SLCO2B1: variants seen among roughly 807,000 people sequenced by gnomAD.
SLCO2B1 encodes the protein OATP-RP2.
A neutral mutation model predicts 67.3 loss-of-function variants in SLCO2B1; 41 were observed. That is an observed-to-expected ratio of 0.61 (90% CI 0.47 to 0.79). SLCO2B1 has a LOEUF of 0.79. Among genes scored for constraint, SLCO2B1 ranks in the 30% least tolerant of loss-of-function variants. The pLI, the probability that SLCO2B1 is intolerant of heterozygous loss-of-function variation, is 0.00. For synonymous variants in SLCO2B1, 379 were observed against 381.4 expected, an observed-to-expected ratio of 0.99 and a Z score of 0.07; for missense variants, 837 against 920.1, an observed-to-expected ratio of 0.91 and a Z score of 1.17.
rs1430175266 is a variant in SLCO2B1, at chr11:75,181,356, G to A, written c.973-6780G>A. Among the ~76,000 whole-genome samples, 6 of 132,972 alleles carry A rather than the reference G, an allele frequency of 4.5e-5. 1 individual carries two copies. In the South Asian group the frequency reaches 1.5e-3, roughly 33 times the overall value. The allele number at this position is 132,972 out of a possible 152,430, so 87.2% of individuals were successfully genotyped here. On this transcript the variant is annotated intron_variant, in intron 7 of 13. Coordinates refer to ENST00000289575, the MANE Select transcript of SLCO2B1 (RefSeq NM_007256.5). ...TTGCACCACTCCAGCCTGAGTGACAGAGGAAGACTCTGCCTCAAAAAAAAA... is the reference window on the plus strand; with the variant it reads ...TTGCACCACTCCAGCCTGAGTGACAAAGGAAGACTCTGCCTCAAAAAAAAA...
intron 1 of SLCO2B1, among the ~76,000 whole-genome samples, chr11:75,154,614 C>T (rs555688883): frequency 1.3e-5 from 2 of 152,368 alleles, no homozygotes; most frequent in Admixed American, 1.3e-4. Context: ...CTTGAGCCCT[C>T]CACTGGTAAC....
chr11:75,180,089 C>G (rs1014501422), intron 7 of SLCO2B1, among the ~76,000 whole-genome samples: 1 of 152,202 alleles, frequency 6.6e-6, no homozygotes, highest in Non-Finnish European at 1.5e-5. Flanking sequence ...GCAATCTTGG[C>G]TCACTGCAAC....
intron 7 of SLCO2B1, among the ~76,000 whole-genome samples, chr11:75,178,102 A>C (rs916590399): frequency 4.0e-5 from 6 of 150,870 alleles, no homozygotes; most frequent in Admixed American, 6.6e-5. Flanking sequence ...TCAAAAAAAA[A>C]AAAAAAACAA....
chr11:75,192,462 A>G (rs1003088937), intron 8 of SLCO2B1, among the ~76,000 whole-genome samples: 3 of 152,158 alleles, frequency 2.0e-5, no homozygotes, highest in African/African-American at 7.2e-5. Flanking sequence ...AGGTCAGGGC[A>G]GAGGATTGGG....
intron 7 of SLCO2B1, among the ~76,000 whole-genome samples, chr11:75,177,983 A>G (rs962897708): frequency 6.6e-6 from 1 of 150,698 alleles, no homozygotes; most frequent in Non-Finnish European, 1.5e-5. Context: ...AGCCCCAGCT[A>G]TTTGGGAGGC....
chr11:75,163,461 G>A (rs534842844), intron 2 of SLCO2B1, among the ~76,000 whole-genome samples: 1 of 152,064 alleles, frequency 6.6e-6, no homozygotes, highest in Admixed American at 6.5e-5. Flanking sequence ...ACTAGTGGGG[G>A]TGGGATGGAG....
At chr11:75,151,490 T>C in intron 1 of SLCO2B1, 93 bp downstream of exon 1, 2 of 1,353,656 alleles carry the variant, frequency 1.5e-6, no homozygotes, top group South Asian at 2.4e-5. Flanking sequence ...CCAGAGTGGG[T>C]GGGATGGGTG....
At chr11:75,161,930 A>G (rs1949826060) in intron 1 of SLCO2B1, among the ~76,000 whole-genome samples, 1 of 152,124 alleles carries the variant, frequency 6.6e-6, no homozygotes, top group Non-Finnish European at 1.5e-5. Context: ...GCCAACATGC[A>G]TAAGGGAGGC....
At chr11:75,155,389 G>A (rs1002536372) in intron 1 of SLCO2B1, among the ~76,000 whole-genome samples, 3 of 151,932 alleles carry the variant, frequency 2.0e-5, no homozygotes, top group South Asian at 2.1e-4. Flanking sequence ...GCACACCACC[G>A]CAGTCCCCAC....
chr11:75,195,103 G>T (rs1293208617), intron 9 of SLCO2B1, among the ~76,000 whole-genome samples: 1 of 152,196 alleles, frequency 6.6e-6, no homozygotes, highest in Non-Finnish European at 1.5e-5. Context: ...TTTCACAGAT[G>T]AATACAGCAA....
At chr11:75,188,677 G>C (rs1944974552) in intron 8 of SLCO2B1, among the ~76,000 whole-genome samples, 1 of 152,152 alleles carries the variant, frequency 6.6e-6, no homozygotes, top group Admixed American at 6.5e-5. Context: ...AGTGAGCCAA[G>C]ATCACACCAC....
At chr11:75,154,067 A>G (rs562555067) in intron 1 of SLCO2B1, among the ~76,000 whole-genome samples, 4 of 151,588 alleles carry the variant, frequency 2.6e-5, no homozygotes, top group African/African-American at 9.7e-5. Context: ...CTGGGACTAC[A>G]GGCACTCACC....
rs1259196891 is a variant in SLCO2B1, at chr11:75,163,176, TGTGCCAG to T, written c.147+398_147+404del. ...CTGGAGCCCACTGGGTGCCAGGCGC[TGTGCCAG>T]GTGCCACTCACACGTGATCTTATTT... On this transcript the variant is annotated intron_variant, in intron 2 of 13. Coordinates refer to ENST00000289575, the MANE Select transcript of SLCO2B1 (RefSeq NM_007256.5). Among the ~76,000 whole-genome samples, 5 of 152,308 alleles carry T rather than the reference TGTGCCAG, an allele frequency of 3.3e-5. No homozygotes were observed. The East Asian group carries it at 9.6e-4, about 29-fold the overall frequency.
chr11:75,159,952 C>T, intron 1 of SLCO2B1: 1 of 745,016 alleles, frequency 1.3e-6, no homozygotes. Context: ...GGGGCTGGAA[C>T]TGGGGCTAGA....
At position 75,179,139 on chromosome 11, in the gene SLCO2B1, T is replaced by G. The variant is rs1950062961; in HGVS notation, c.972+6570T>G. On this transcript the variant is annotated intron_variant, in intron 7 of 13. Coordinates refer to ENST00000289575, the MANE Select transcript of SLCO2B1 (RefSeq NM_007256.5). ...ATTCTTTTATTTGAAAATTTGTGTT[T>G]TTTCATTTTCTTTTTAAAAATGTTT... 2.0e-5 allele frequency among the ~76,000 whole-genome samples: 3 copies of G among 152,066 alleles called. No homozygotes were observed. In the South Asian group the frequency reaches 6.2e-4, roughly 31 times the overall value.
intron 6 of SLCO2B1, 142 bp downstream of exon 6, chr11:75,169,906 G>A (rs986429527): frequency 6.3e-6 from 4 of 638,828 alleles, no homozygotes; most frequent in East Asian, 2.7e-5. Flanking sequence ...CTGAACCTCA[G>A]CTTTCTCATC....
Position 75,200,278 on chromosome 11 carries a change from T to A in SLCO2B1, c.1654T>A (p.Ser552Thr). 6.2e-7 allele frequency: 1 copy of A among 1,613,974 alleles called. No individual in the cohort carries two copies. The highest frequency in any genetic ancestry group is 8.5e-7 in the Non-Finnish European group (1 of 1,179,954). Reference sequence around the variant, plus strand: ...GGAGGGCAACCCCGTGCTGGCAGGATCCTGCGACTCAACGTGCAGCCATCT... The same window carrying A: ...GGAGGGCAACCCCGTGCTGGCAGGAACCTGCGACTCAACGTGCAGCCATCT... ...VVEGNPVLAG[S>T]CDSTCSHLVV... The change falls in exon 11 of 14, where the codon TCC (serine) becomes ACC (threonine). Residue 552 changes from serine (S) to threonine (T), a missense_variant. Ser to Thr is a moderately conservative substitution (Grantham distance 58). Transcript: ENST00000289575.
intron 7 of SLCO2B1, among the ~76,000 whole-genome samples, chr11:75,187,286 A>C (rs1944951797): frequency 6.6e-6 from 1 of 152,084 alleles, no homozygotes; most frequent in Non-Finnish European, 1.5e-5. Context: ...CCCTCCCTCC[A>C]CACACATGAT....
intron 10 of SLCO2B1, chr11:75,199,921 G>A (rs1457205929): frequency 2.5e-6 from 1 of 404,014 alleles, no homozygotes; most frequent in Non-Finnish European, 4.5e-6. Context: ...CAGTTGGTGT[G>A]TAGAATGTGG....
Sources: allele counts gnomAD v4.1 joint callset (sites outside exome capture counted in the v4.1 genomes callset), GRCh38; gene constraint gnomAD v4.1.1; transcripts MANE v1.5; gene names NCBI Gene and HGNC (gene_info 2026-07-23, HGNC 2026-07-21).